Variants in MEGF8 observed in about 807,000 individuals in gnomAD.
MEGF8 encodes the protein multiple epidermal growth factor-like domains protein 8.
Under a neutral mutation model 302.9 loss-of-function variants are expected in MEGF8, and 156 were observed. The observed-to-expected ratio is 0.52, with a 90% CI of 0.45 to 0.59. The LOEUF is 0.59. Among genes scored for constraint, MEGF8 ranks in the 20% least tolerant of loss-of-function variants. The pLI is 0.00. For missense variants in MEGF8, 3,345 were observed against 3,964.5 expected, an observed-to-expected ratio of 0.84 and a Z score of 4.20; for synonymous variants, 1,621 against 1,660.5, an observed-to-expected ratio of 0.98 and a Z score of 0.58.
rs2039456226 is a variant in MEGF8 at position 42,356,612 on chromosome 19, G to A, written c.4622+159G>A. On this transcript the variant is annotated intron_variant, in intron 26 of 41. Coordinates refer to ENST00000251268, the MANE Select transcript of MEGF8 (RefSeq NM_001271938.2). This position sits in a 1 kb window ranked among gnomAD's most constrained non-coding sequence, Gnocchi z 5.2. ...CAGGAAGCTCACCCGGGGACACTTG[G>A]GGACCAGGGTACTTATTTGGGTGGT... is the stretch of plus-strand genomic sequence containing the variant. 6.6e-6 allele frequency among the ~76,000 whole-genome samples: 1 copy of A among 152,170 alleles called. No individual in the cohort carries two copies. The highest frequency in any genetic ancestry group is 1.5e-5 in the Non-Finnish European group (1 of 68,014).
In MEGF8 at chr19:42,342,493, C is replaced by T. The variant is rs539259765; in HGVS notation, c.1514-984C>T. ...TTTTACTAAAACACAAAAAATTAGC[C>T]GGGCTTGGTGGCGGGCGCCTGTAGT... On this transcript the variant is annotated intron_variant, in intron 8 of 41. Transcript: ENST00000251268. Among the ~76,000 whole-genome samples, 23 of 152,198 alleles carry T rather than the reference C, an allele frequency of 1.5e-4. No individual in the cohort carries two copies. In the South Asian group the frequency reaches 3.3e-3, roughly 22 times the overall value.
At chr19:42,350,987 C>A in intron 15 of MEGF8, 1 of 573,488 alleles carries the variant, frequency 1.7e-6, no homozygotes, top group Non-Finnish European at 3.1e-6. Flanking sequence ...AAGCCCCACC[C>A]GGACCACACA....
chr19:42,335,285 A>G lies in MEGF8; in HGVS notation c.740-12A>G, dbSNP rs1016994115. On this transcript the variant is annotated splice_polypyrimidine_tract_variant and intron_variant, in intron 4 of 41. Coordinates refer to ENST00000251268, the MANE Select transcript of MEGF8 (RefSeq NM_001271938.2). The stretch of plus-strand genomic sequence containing the variant: ...CTATGGCCAGGGCATGAGACTATCC[A>G]CCCCTCCACAGGCCAGGACCTCAAC... The G allele has an allele frequency of 6.2e-7, 1 of 1,613,474 alleles. No individual in the cohort carries two copies. Among genetic ancestry groups the G allele is most frequent in the Non-Finnish European group, 8.5e-7 (1 of 1,179,786 alleles).
At position 42,352,897 on chromosome 19, in the gene MEGF8, C is replaced by T. The variant is rs375170752; in HGVS notation, c.3351-31C>T. On this transcript the variant is annotated intron_variant, in intron 19 of 41. Coordinates refer to ENST00000251268, the MANE Select transcript of MEGF8 (RefSeq NM_001271938.2). The surrounding 1 kb of genome is among the most constrained non-coding windows in gnomAD (Gnocchi z 4.4). Reference sequence around the variant, plus strand: ...CTTTAGGGGCTCTGGGCCTGCCTGGCGCTTTCCCCACCCCCAACACGGCCC... The same window carrying T: ...CTTTAGGGGCTCTGGGCCTGCCTGGTGCTTTCCCCACCCCCAACACGGCCC... 32 of 1,516,964 alleles carry T rather than the reference C, an allele frequency of 2.1e-5. No individual in the cohort carries two copies. Among genetic ancestry groups the T allele is most frequent in the East Asian group, 1.2e-4 (5 of 41,500 alleles). 94.0% of individuals were successfully genotyped at this position (1,516,964 alleles called of 1,614,324 possible).
Position 42,363,186 on chromosome 19 carries a change from A to G in MEGF8, c.6197A>G (p.Asn2066Ser), listed in dbSNP as rs940016728. 4.3e-6 allele frequency: 7 copies of G among 1,612,108 alleles called. No individual in the cohort carries two copies. Among genetic ancestry groups the G allele is most frequent in the East Asian group, 2.2e-5 (1 of 44,846 alleles). ...PCPTPCHLLP[N>S]CTSCLDSKGA... Reference sequence around the variant, plus strand: ...CCCACCCCTTGTCACCTCCTACCCAACTGTACCTCCTGCCTGGACTCTAAG... The same window carrying G: ...CCCACCCCTTGTCACCTCCTACCCAGCTGTACCTCCTGCCTGGACTCTAAG... Residue 2066 changes from asparagine (N) to serine (S), a missense_variant, in exon 35 of 42, where the codon AAC (asparagine) becomes AGC (serine). Coordinates refer to ENST00000251268, the MANE Select transcript of MEGF8 (RefSeq NM_001271938.2).
Position 42,376,482 on chromosome 19 carries a change from G to A in MEGF8, c.8245G>A (p.Gly2749Arg). 3 of 1,597,038 alleles carry A rather than the reference G, an allele frequency of 1.9e-6. No individual in the cohort carries two copies. In the South Asian group the frequency reaches 3.4e-5, roughly 18 times the overall value. ...CGGTGGGCCCTGGGGACCCATGGGA[G>A]GGGGCTGCTGCCCACCAGCCATCCC... ...GAGGPWGPMG[G>R]GCCPPAIPAT... Residue 2749 changes from glycine (G) to arginine (R), a missense_variant, in exon 42 of 42, where the codon GGG becomes AGG. Transcript: ENST00000251268. The surrounding 1 kb of genome is among the most constrained non-coding windows in gnomAD (Gnocchi z 8.2).
At position 42,335,394 on chromosome 19, in the gene MEGF8, C is replaced by T; in HGVS notation, c.828+9C>T. ...ACCTGAGTCCTGCCCCGGTATGGACCCCTCCTCTGCCCTGGAGGAGCCTTT... is the reference window on the plus strand; with the variant it reads ...ACCTGAGTCCTGCCCCGGTATGGACTCCTCCTCTGCCCTGGAGGAGCCTTT... On this transcript the variant is annotated intron_variant, in intron 5 of 41. Transcript: ENST00000251268. 1.2e-6 allele frequency: 2 copies of T among 1,613,060 alleles called. No homozygotes were observed. The highest frequency in any genetic ancestry group is 1.7e-6 in the Non-Finnish European group (2 of 1,179,132).
At chr19:42,370,385 G>A (rs772533778) in intron 39 of MEGF8, 26 bp downstream of exon 39, 2 of 1,540,142 alleles carry the variant, frequency 1.3e-6, no homozygotes, top group Non-Finnish European at 1.8e-6. Context: ...CAGATGCCTG[G>A]GTCTGAGGGA....
chr19:42,357,067 C>G lies in MEGF8; in HGVS notation c.4830+86C>G. 3.0e-6 allele frequency: 4 copies of G among 1,338,112 alleles called. No homozygotes were observed. The highest frequency in any genetic ancestry group is 4.0e-6 in the Non-Finnish European group (4 of 991,710). 82.9% of individuals were successfully genotyped at this position (1,338,112 alleles called of 1,614,324 possible). A position where few individuals can be genotyped will look rare whatever the true frequency, so the allele number is the denominator to read the frequency against. ...GTGGTAGCTCCTGCCAGCTCCATCCCCAGAGGAAACAGAAGCCCCAAACTT... is the reference window on the plus strand; with the variant it reads ...GTGGTAGCTCCTGCCAGCTCCATCCGCAGAGGAAACAGAAGCCCCAAACTT... On this transcript the variant is annotated intron_variant, in intron 27 of 41. Coordinates refer to ENST00000251268, the MANE Select transcript of MEGF8 (RefSeq NM_001271938.2). This position sits in a 1 kb window ranked among gnomAD's most constrained non-coding sequence, Gnocchi z 5.2.
At chr19:42,370,598 C>T in intron 39 of MEGF8, 103 bp from the exon 40 acceptor site, 1 of 1,380,282 alleles carries the variant, frequency 7.2e-7, no homozygotes, top group Non-Finnish European at 9.8e-7. Context: ...GCCTGGCCTC[C>T]TGGGTCTGAG....
In MEGF8 at chr19:42,358,734, A is replaced by G. The variant is rs1456013347; in HGVS notation, c.5176-53A>G. 5.5e-6 allele frequency: 8 copies of G among 1,465,532 alleles called. No individual in the cohort carries two copies. In the African/African-American group the frequency reaches 8.6e-5, roughly 16 times the overall value. 90.8% of individuals were successfully genotyped at this position (1,465,532 alleles called of 1,614,324 possible). A position where few individuals can be genotyped will look rare whatever the true frequency, so the allele number is the denominator to read the frequency against. On this transcript the variant is annotated intron_variant, in intron 29 of 41. Transcript: ENST00000251268. This position sits in a 1 kb window ranked among gnomAD's most constrained non-coding sequence, Gnocchi z 4.4. ...AAGCCCGTCTTGGAGGCAGGGGGCT[A>G]GAAGCAAGAGACTCGAGGAGCCTCA... is the stretch of plus-strand genomic sequence containing the variant.
rs758007636 is a variant in MEGF8, at chr19:42,368,893, C to A, written c.6532C>A (p.Pro2178Thr). The stretch of plus-strand genomic sequence containing the variant: ...CTCCTGGGCCTTCCTGTCCTGCCCC[C>A]CTGAGGACGAGTGTGCAAACGGGCA... ...GASWAFLSCPPEDECANGHHD... is the reference protein window; with the variant it reads ...GASWAFLSCPTEDECANGHHD... Residue 2178 changes from proline (P) to threonine (T), a missense_variant, in exon 37 of 42, where the codon CCT (proline) becomes ACT (threonine). Transcript: ENST00000251268. The surrounding 1 kb of genome is among the most constrained non-coding windows in gnomAD (Gnocchi z 4.9). 3.7e-6 allele frequency: 6 copies of A among 1,613,894 alleles called. No homozygotes were observed. Among genetic ancestry groups the A allele is most frequent in the Non-Finnish European group, 5.1e-6 (6 of 1,179,878 alleles).
At chr19:42,366,130 A>G (rs182935307) in intron 35 of MEGF8, among the ~76,000 whole-genome samples, 2 of 152,330 alleles carry the variant, frequency 1.3e-5, no homozygotes, top group East Asian at 3.9e-4. Context: ...CAAATCAAAC[A>G]TAATAGGCGT....
intron 32 of MEGF8, among the ~76,000 whole-genome samples, chr19:42,361,529 T>C (rs1186069292): frequency 6.6e-6 from 1 of 152,222 alleles, no homozygotes; most frequent in Admixed American, 6.5e-5. Flanking sequence ...TGTTAATGGT[T>C]TGATTTCGGA....
At chr19:42,360,150 CAA>C (rs111805163) in intron 31 of MEGF8, among the ~76,000 whole-genome samples, 41 of 88,920 alleles carry the variant, frequency 4.6e-4, no homozygotes, top group African/African-American at 8.5e-4. Flanking sequence ...GACTCTTTCT[CAA>C]AAAAAAAAAA....
chr19:42,372,107 A>G (rs1053438886), intron 41 of MEGF8, among the ~76,000 whole-genome samples: 3 of 152,052 alleles, frequency 2.0e-5, no homozygotes, highest in Non-Finnish European at 4.4e-5. Flanking sequence ...ACAACAGAAG[A>G]AAAGAAAATG....
chr19:42,364,305 C>T (rs2039574301), intron 35 of MEGF8, among the ~76,000 whole-genome samples: 2 of 152,106 alleles, frequency 1.3e-5, no homozygotes, highest in African/African-American at 2.4e-5. Context: ...CCCCACTGCC[C>T]CCCCGTGGGA....
intron 8 of MEGF8, among the ~76,000 whole-genome samples, chr19:42,343,243 C>T (rs2039239629): frequency 6.6e-6 from 1 of 152,166 alleles, no homozygotes; most frequent in Non-Finnish European, 1.5e-5. Flanking sequence ...GTGGTAGATG[C>T]AGGATTTGAA....
Position 42,343,536 on chromosome 19 carries a change from G to A in MEGF8, c.1573G>A (p.Val525Ile), listed in dbSNP as rs760533124. ...SHVAAVLGGS[V>I]LLVAGGYSGR... ...TGTAGCTGCGGTGCTTGGTGGCAGC[G>A]TCCTGTTGGTGGCTGGGGGGTACAG... The change falls in exon 9 of 42, where the codon GTC (valine) becomes ATC (isoleucine). Residue 525 changes from valine to isoleucine, a missense_variant. Coordinates refer to ENST00000251268, the MANE Select transcript of MEGF8 (RefSeq NM_001271938.2). 14 of 1,613,446 alleles carry A rather than the reference G, an allele frequency of 8.7e-6. No homozygotes were observed. Among genetic ancestry groups the A allele is most frequent in the African/African-American group, 2.7e-5 (2 of 74,896 alleles).
Sources: allele counts gnomAD v4.1 joint callset (sites outside exome capture counted in the v4.1 genomes callset), GRCh38; gene constraint gnomAD v4.1.1; non-coding constraint Gnocchi (gnomAD v3.1); transcripts MANE v1.5; gene names NCBI Gene and HGNC (gene_info 2026-07-23, HGNC 2026-07-21).